The following ATP10A variants were observed in gnomAD, a reference collection of about 807,000 sequenced individuals.
The protein encoded by ATP10A is ATPase phospholipid transporting 10A (putative).
A neutral mutation model predicts 147.8 loss-of-function variants in ATP10A; 111 were observed. The ratio of observed to expected loss-of-function variants is 0.75; its 90% CI spans 0.64 to 0.88. ATP10A has a LOEUF of 0.88. Ranked by LOEUF, ATP10A falls within the 40% of genes least tolerant of loss-of-function variation. The pLI is 0.00. For missense variants in ATP10A, 1,927 were observed against 1,959.0 expected (o/e 0.98, Z 0.31); for synonymous variants, 875 against 841.6 (o/e 1.04, Z -0.69).
At chr15:25,675,605 G>A (rs927338403), downstream of ATP10A, among the ~76,000 whole-genome samples, 13 of 152,194 alleles carry the variant, frequency 8.5e-5, no homozygotes, top group Admixed American at 7.8e-4. Context: ...CAACCAGGCT[G>A]TCTTCCCCAG....
chr15:25,733,885 C>A (rs562087306), intron 3 of ATP10A, among the ~76,000 whole-genome samples: 72 of 152,236 alleles, frequency 4.7e-4, no homozygotes, highest in Non-Finnish European at 9.0e-4. Context: ...GGTGAGGACA[C>A]CACAGGAGGA....
At chr15:25,766,174 C>T (rs139849679) in intron 2 of ATP10A, among the ~76,000 whole-genome samples, 20 of 152,138 alleles carry the variant, frequency 1.3e-4, no homozygotes, top group Admixed American at 6.5e-4. Flanking sequence ...TTCACTGTCA[C>T]GAGAATAGCA....
At chr15:25,749,108 G>T in intron 2 of ATP10A, among the ~76,000 whole-genome samples, 1 of 145,620 alleles carries the variant, frequency 6.9e-6, no homozygotes, top group Non-Finnish European at 1.5e-5. Flanking sequence ...GTTTAGCAAA[G>T]TTTCTGGATA....
At chr15:25,723,250 A>G (rs1248068472) in intron 6 of ATP10A, among the ~76,000 whole-genome samples, 2 of 151,894 alleles carry the variant, frequency 1.3e-5, no homozygotes, top group Non-Finnish European at 2.9e-5. Flanking sequence ...CGGGAGGCTG[A>G]GGCAAGATAA....
chr15:25,803,192 T>A (rs1057275950), intron 1 of ATP10A, among the ~76,000 whole-genome samples: 24 of 152,180 alleles, frequency 1.6e-4, no homozygotes, highest in Admixed American at 6.5e-5. Context: ...CCAGTGACAC[T>A]GGTCTGTGCT....
intron 13 of ATP10A, 140 bp downstream of exon 13, chr15:25,701,776 C>T (rs1900674858): frequency 2.6e-6 from 2 of 777,212 alleles, no homozygotes; most frequent in Non-Finnish European, 4.0e-6. Flanking sequence ...AAGGCAATAA[C>T]ATGCACATCC....
At chr15:25,805,166 G>C (rs1891125513) in intron 1 of ATP10A, among the ~76,000 whole-genome samples, 1 of 152,162 alleles carries the variant, frequency 6.6e-6, no homozygotes, top group Non-Finnish European at 1.5e-5. Context: ...GTGTAGAGAA[G>C]CTGCACCCAG....
rs1567302679 is a variant in ATP10A at position 25,690,239 on chromosome 15, T to TA, written c.3165+1475_3165+1476insT. On this transcript the variant is annotated intron_variant, in intron 15 of 20. Coordinates refer to ENST00000555815, the MANE Select transcript of ATP10A (RefSeq NM_024490.4). ...TTTCCTTAATTTTTTTTCCTTTTTT[T>TA]TAAAAAAAAAAAAAAAAAAAGAGAG... Among the ~76,000 whole-genome samples, 671 of 142,462 alleles carry TA rather than the reference T, an allele frequency of 4.7e-3. 6 individuals carry two copies. The highest frequency in any genetic ancestry group is 0.017 in the African/African-American group (630 of 37,118). The allele number at this position is 142,462 out of a possible 152,430, so 93.5% of individuals were successfully genotyped here. A position where few individuals can be genotyped will look rare whatever the true frequency, so the allele number is the denominator to read the frequency against.
intron 9 of ATP10A, 82 bp downstream of exon 9, chr15:25,716,648 G>T: frequency 7.4e-7 from 1 of 1,350,504 alleles, no homozygotes; most frequent in Non-Finnish European, 1.0e-6. Context: ...AAAGGGAAGG[G>T]CGCCTGCCCT....
intron 12 of ATP10A, among the ~76,000 whole-genome samples, chr15:25,705,454 C>CAAAAAAAAAAAAAAAAAAAAAA (rs367718474): frequency 1.2e-5 from 1 of 82,002 alleles, no homozygotes; most frequent in African/African-American, 3.9e-5. Context: ...AAAAAAAAAA[C>CAAAAAAAAAAAAAAAAAAAAAA]AAAAAAAAAA....
chr15:25,856,127 T>C (rs1893505333), intron 1 of ATP10A, among the ~76,000 whole-genome samples: 1 of 152,214 alleles, frequency 6.6e-6, no homozygotes, highest in Non-Finnish European at 1.5e-5. Flanking sequence ...TGGTTACTGA[T>C]ATGGGTTGGC....
chr15:25,718,913 C>A (rs1902028706), intron 7 of ATP10A, among the ~76,000 whole-genome samples: 1 of 152,142 alleles, frequency 6.6e-6, no homozygotes, highest in Non-Finnish European at 1.5e-5. Flanking sequence ...CAGCTTGGAC[C>A]CCTACAGCTA....
intron 1 of ATP10A, among the ~76,000 whole-genome samples, chr15:25,830,989 G>C (rs17116242): frequency 0.02 from 2,981 of 152,284 alleles, 90 homozygotes; most frequent in African/African-American, 0.064. Flanking sequence ...CCTTCATCTG[G>C]CTGCTTCGCT....
At chr15:25,691,584 G>A (rs544993911) in intron 15 of ATP10A, 131 bp downstream of exon 15, 1 of 832,716 alleles carries the variant, frequency 1.2e-6, no homozygotes, top group South Asian at 1.5e-5. Flanking sequence ...TTGAGCATCA[G>A]CTATATTAAG....
intron 15 of ATP10A, among the ~76,000 whole-genome samples, chr15:25,688,769 C>A (rs1899842960): frequency 6.6e-6 from 1 of 152,166 alleles, no homozygotes; most frequent in South Asian, 2.1e-4. Context: ...TCATGATACA[C>A]AAAACCTTAG....
At chr15:25,809,126 T>C (rs1324998613) in intron 1 of ATP10A, among the ~76,000 whole-genome samples, 3 of 151,974 alleles carry the variant, frequency 2.0e-5, no homozygotes, top group Non-Finnish European at 4.4e-5. Flanking sequence ...CTGCAGATGC[T>C]TCCTGAAGGA....
chr15:25,674,390 C>T (rs1047185693), downstream of ATP10A, among the ~76,000 whole-genome samples: 1 of 150,092 alleles, frequency 6.7e-6, no homozygotes, highest in African/African-American at 2.5e-5. Flanking sequence ...GTCTACACAC[C>T]TCTGCTGTCT....
intron 1 of ATP10A, among the ~76,000 whole-genome samples, chr15:25,831,003 T>C (rs938513311): frequency 1.3e-5 from 2 of 152,192 alleles, no homozygotes; most frequent in Non-Finnish European, 2.9e-5. Context: ...CTTCGCTACA[T>C]GATTCAAAGC....
Position 25,680,925 on chromosome 15 carries a change from G to A in ATP10A, c.3574-11C>T. On this transcript the variant is annotated splice_polypyrimidine_tract_variant and intron_variant, in intron 18 of 20. Coordinates refer to ENST00000555815, the MANE Select transcript of ATP10A (RefSeq NM_024490.4). ...CGAGTCATAGTAGGCCTGAAAGACA[G>A]TGGGGTCCTGGATCTGTAGGTCCCC... 6.2e-7 allele frequency: 1 copy of A among 1,614,020 alleles called. No individual in the cohort carries two copies.
Sources: gnomAD v4.1 joint callset for allele counts (sites outside exome capture counted in the v4.1 genomes callset) on GRCh38, gnomAD v4.1.1 for gene constraint, MANE v1.5 for transcripts, NCBI Gene and HGNC (gene_info 2026-07-23, HGNC 2026-07-21) for gene names.